CCDC102B: variants seen among roughly 807,000 people sequenced by gnomAD.
The protein encoded by CCDC102B is coiled-coil domain containing 102B, also known as coiled-coil domain-containing protein 102B.
A neutral mutation model predicts 57.4 loss-of-function variants in CCDC102B; 75 were observed. The observed-to-expected ratio is 1.31, with a 90% confidence interval of 1.08 to 1.58. The LOEUF (loss-of-function observed/expected upper bound fraction) is 1.58. Ranked by LOEUF, CCDC102B falls within the 40% of genes most tolerant of loss-of-function variation. The pLI is 0.00. For synonymous variants in CCDC102B, 206 were observed against 201.9 expected (o/e 1.02, Z -0.17); for missense variants, 636 against 582.6 (o/e 1.09, Z -0.94).
chr18:68,805,634 A>C (rs1466379589), intron 1 of CCDC102B, among the ~76,000 whole-genome samples: 1 of 152,196 alleles, frequency 6.6e-6, no homozygotes, highest in Admixed American at 6.5e-5. Context: ...TGGGGACAAT[A>C]GTAAAGGGTA....
At chr18:68,949,310 A>G (rs1209042862) in intron 6 of CCDC102B, among the ~76,000 whole-genome samples, 2 of 152,144 alleles carry the variant, frequency 1.3e-5, no homozygotes, top group Non-Finnish European at 2.9e-5. Context: ...AAAATAAGTT[A>G]TAAGAGATGG....
intron 6 of CCDC102B, among the ~76,000 whole-genome samples, chr18:68,924,598 A>T (rs924331334): frequency 2.6e-5 from 4 of 152,108 alleles, no homozygotes; most frequent in African/African-American, 9.7e-5. Flanking sequence ...ATTTGGTTGG[A>T]TGTATCAACA....
At chr18:69,004,555 G>T (rs1450241098) in intron 6 of CCDC102B, among the ~76,000 whole-genome samples, 1 of 152,036 alleles carries the variant, frequency 6.6e-6, no homozygotes, top group Non-Finnish European at 1.5e-5. Context: ...TACAGAACGG[G>T]GATCTCAGAG....
intron 1 of CCDC102B, among the ~76,000 whole-genome samples, chr18:68,832,359 A>T (rs1471912384): frequency 6.6e-6 from 1 of 152,138 alleles, no homozygotes; most frequent in Non-Finnish European, 1.5e-5. Flanking sequence ...TCAAAGATTT[A>T]GTTAAAAGTT....
intron 7 of CCDC102B, among the ~76,000 whole-genome samples, chr18:69,034,651 A>C (rs1212993133): frequency 6.6e-6 from 1 of 151,864 alleles, no homozygotes; most frequent in African/African-American, 2.4e-5. Context: ...AACAAATGTG[A>C]GTTATCCAAA....
chr18:68,824,110 A>T (rs2036809667), intron 1 of CCDC102B, among the ~76,000 whole-genome samples: 1 of 152,158 alleles, frequency 6.6e-6, no homozygotes, highest in Non-Finnish European at 1.5e-5. Flanking sequence ...TGGGAGACTC[A>T]GCCGAAAATT....
chr18:68,996,714 G>A (rs2051038092), intron 6 of CCDC102B, among the ~76,000 whole-genome samples: 1 of 152,138 alleles, frequency 6.6e-6, no homozygotes, highest in African/African-American at 2.4e-5. Flanking sequence ...TGATTTTGCA[G>A]GCTCATAGGC....
chr18:69,014,351 A>G (rs1419693907), intron 7 of CCDC102B, among the ~76,000 whole-genome samples: 4 of 152,180 alleles, frequency 2.6e-5, no homozygotes, highest in Non-Finnish European at 5.9e-5. Context: ...CACAGTATCT[A>G]ATAAAACTAG....
At chr18:68,784,859 T>C (rs1010534960) in intron 2 of CCDC102B, among the ~76,000 whole-genome samples, 5 of 151,980 alleles carry the variant, frequency 3.3e-5, no homozygotes, top group Admixed American at 3.3e-4. Context: ...AAAGTTTTAG[T>C]GTACTTGTGC....
downstream of CCDC102B, among the ~76,000 whole-genome samples, chr18:69,055,926 T>C (rs1962710991): frequency 6.6e-6 from 1 of 152,118 alleles, no homozygotes; most frequent in African/African-American, 2.4e-5. Context: ...ATTCTAGAGT[T>C]CCACTATTGT....
chr18:68,868,603 C>A (rs900787843), intron 4 of CCDC102B, among the ~76,000 whole-genome samples: 1 of 152,148 alleles, frequency 6.6e-6, no homozygotes, highest in Admixed American at 6.5e-5. Context: ...TTCCTTCTTA[C>A]GTTCCTCACC....
intron 6 of CCDC102B, among the ~76,000 whole-genome samples, chr18:68,923,947 C>T (rs556167904): frequency 6.6e-6 from 1 of 152,140 alleles, no homozygotes; most frequent in South Asian, 2.1e-4. Context: ...GCTTGTCCCA[C>T]AGCTATTATA....
intron 7 of CCDC102B, among the ~76,000 whole-genome samples, chr18:69,053,636 A>G (rs2052761519): frequency 6.6e-6 from 1 of 151,872 alleles, no homozygotes; most frequent in East Asian, 1.9e-4. Flanking sequence ...TCATACAAAC[A>G]TATACCTTGT....
chr18:68,807,925 T>A (rs2036090989), intron 1 of CCDC102B, among the ~76,000 whole-genome samples: 1 of 152,196 alleles, frequency 6.6e-6, no homozygotes, highest in Non-Finnish European at 1.5e-5. Context: ...ATTACTAATT[T>A]ATTTTGGCTA....
At chr18:68,752,921 A>C (rs1459319829) in intron 2 of CCDC102B, among the ~76,000 whole-genome samples, 1 of 152,090 alleles carries the variant, frequency 6.6e-6, no homozygotes, top group East Asian at 1.9e-4. Flanking sequence ...ATTATAGAAA[A>C]ATCTCAGCCA....
At chr18:68,800,024 C>A (rs572012108) in intron 1 of CCDC102B, among the ~76,000 whole-genome samples, 1 of 152,092 alleles carries the variant, frequency 6.6e-6, no homozygotes, top group East Asian at 1.9e-4. Context: ...CATCATTTTG[C>A]CAACACATAA....
intron 6 of CCDC102B, among the ~76,000 whole-genome samples, chr18:69,001,071 C>T (rs996328938): frequency 1.3e-5 from 2 of 152,144 alleles, no homozygotes; most frequent in Non-Finnish European, 2.9e-5. Context: ...GTTCAGGCCC[C>T]TCTCAATACA....
At chr18:68,733,796 T>A (rs985538631) in intron 2 of CCDC102B, among the ~76,000 whole-genome samples, 1 of 152,122 alleles carries the variant, frequency 6.6e-6, no homozygotes, top group East Asian at 1.9e-4. Context: ...TCTTTCCACT[T>A]TGTGATGCCT....
At chr18:68,943,813 C>T (rs1272377393) in intron 6 of CCDC102B, among the ~76,000 whole-genome samples, 1 of 152,072 alleles carries the variant, frequency 6.6e-6, no homozygotes, top group East Asian at 1.9e-4. Flanking sequence ...AACTTTTATA[C>T]CTTGGTTTAG....
Sources: allele counts gnomAD v4.1 joint callset (sites outside exome capture counted in the v4.1 genomes callset), GRCh38; gene constraint gnomAD v4.1.1; transcripts MANE v1.5; gene names NCBI Gene and HGNC (gene_info 2026-07-23, HGNC 2026-07-21).